WNT11: variants seen among roughly 807,000 people sequenced by gnomAD.
WNT11 encodes protein Wnt-11.
Under a neutral mutation model 35.6 loss-of-function variants are expected in WNT11, and 20 were observed. The observed-to-expected ratio is 0.56, with a 90% CI of 0.40 to 0.82. The LOEUF (loss-of-function observed/expected upper bound fraction) is 0.82, where lower values mean the gene tolerates loss of function less well. Ranked by LOEUF, WNT11 falls within the 40% of genes least tolerant of loss-of-function variation. The pLI, the probability that WNT11 is intolerant of heterozygous loss-of-function variation, is 0.00. For missense variants in WNT11, 459 were observed against 504.4 expected, an observed-to-expected ratio of 0.91 and a Z score of 0.86; for synonymous variants, 200 against 211.9, an observed-to-expected ratio of 0.94 and a Z score of 0.49.
At chr11:76,205,158 C>T (rs183268178) in intron 1 of WNT11, among the ~76,000 whole-genome samples, 1 of 152,184 alleles carries the variant, frequency 6.6e-6, no homozygotes, top group Non-Finnish European at 1.5e-5. Flanking sequence ...CTCCTCGAAT[C>T]GTCAATTAAT....
Position 76,194,631 on chromosome 11 carries a change from A to C in WNT11, c.533T>G (p.Val178Gly). The C allele has an allele frequency of 6.5e-7, 1 of 1,550,194 alleles. No individual in the cohort carries two copies. The highest frequency in any genetic ancestry group is 8.7e-7 in the Non-Finnish European group (1 of 1,146,858). ...ATTGGCTTGGGATCCTGTTTTTTTC[A>C]CCTTCATAGGAGCATCGGAAAACTT... ...GAKFSDAPMK[V>G]KKTGSQANKL... Residue 178 changes from valine to glycine, a missense_variant, in exon 3 of 5, where the codon GTG becomes GGG. Physicochemically the swap from Val to Gly is moderately radical, Grantham distance 109 (BLOSUM62 -3). Transcript: ENST00000322563. This position sits in a 1 kb window ranked among gnomAD's most constrained non-coding sequence, Gnocchi z 5.4.
At chr11:76,201,314 G>C (rs1953372200) in intron 1 of WNT11, among the ~76,000 whole-genome samples, 1 of 152,256 alleles carries the variant, frequency 6.6e-6, no homozygotes, top group Non-Finnish European at 1.5e-5. Flanking sequence ...CCCGCCCACA[G>C]GGGCTGCAGG....
intron 1 of WNT11, among the ~76,000 whole-genome samples, chr11:76,205,656 C>G (rs1372012754): frequency 6.6e-6 from 1 of 152,220 alleles, no homozygotes; most frequent in Non-Finnish European, 1.5e-5. Flanking sequence ...CCTCTCTTCA[C>G]CACCCCCAGC....
chr11:76,192,150 C>T lies in WNT11; in HGVS notation c.598-294G>A, dbSNP rs149903815. On this transcript the variant is annotated intron_variant, in intron 3 of 4. Coordinates refer to ENST00000322563, the MANE Select transcript of WNT11 (RefSeq NM_004626.3). ...ACATAATGGAGATTGATCACCACAA[C>T]GGCCCAAGGGAGGTATCCTTACTTC... Among the ~76,000 whole-genome samples, 450 of 152,264 alleles carry T rather than the reference C, an allele frequency of 3.0e-3. 2 individuals are homozygous for T. The highest frequency in any genetic ancestry group is 0.01 in the African/African-American group (431 of 41,544).
rs1459697623 is a variant in WNT11 at position 76,206,383 on chromosome 11, C to T, written c.25G>A (p.Glu9Lys). 6.5e-7 allele frequency: 1 copy of T among 1,548,188 alleles called. No homozygotes were observed. The highest frequency in any genetic ancestry group is 2.5e-5 in the East Asian group (1 of 40,338). ...AGCGCCAGGGCGAAGAGCAGCGCCTCGCAGACCTGCGGCCGCGCCCTCATC... is the reference window on the plus strand; with the variant it reads ...AGCGCCAGGGCGAAGAGCAGCGCCTTGCAGACCTGCGGCCGCGCCCTCATC... MRARPQVCEALLFALALQT... is the reference protein window; with the variant it reads MRARPQVCKALLFALALQT... The change falls in exon 1 of 5, where the codon GAG becomes AAG. Residue 9 changes from glutamate to lysine, a missense_variant. Coordinates refer to ENST00000322563, the MANE Select transcript of WNT11 (RefSeq NM_004626.3).
At chr11:76,193,867 G>C (rs182978408) in intron 3 of WNT11, among the ~76,000 whole-genome samples, 196 of 152,258 alleles carry the variant, frequency 1.3e-3, no homozygotes, top group African/African-American at 4.6e-3. Flanking sequence ...TGTAAAAAGG[G>C]GACAACAGGG....
chr11:76,200,478 C>T (rs770938459), intron 1 of WNT11, among the ~76,000 whole-genome samples: 3 of 152,254 alleles, frequency 2.0e-5, no homozygotes, highest in Non-Finnish European at 2.9e-5. Context: ...CCTGTCCCTG[C>T]GTGCAGTGCC....
Position 76,194,624 on chromosome 11 carries a change from T to A in WNT11, c.540A>T (p.Lys180Asn). The change falls in exon 3 of 5, where the codon AAA (lysine) becomes AAT (asparagine). Residue 180 changes from lysine to asparagine, a missense_variant. Transcript: ENST00000322563. The surrounding 1 kb of genome is among the most constrained non-coding windows in gnomAD (Gnocchi z 5.4). ...KFSDAPMKVK[K>N]TGSQANKLMR... ...TCAGTTTATTGGCTTGGGATCCTGT[T>A]TTTTTCACCTTCATAGGAGCATCGG... 6.4e-7 allele frequency: 1 copy of A among 1,550,580 alleles called. No individual in the cohort carries two copies. Among genetic ancestry groups the A allele is most frequent in the Non-Finnish European group, 8.7e-7 (1 of 1,146,952 alleles).
intron 4 of WNT11, chr11:76,190,960 A>G (rs981424284): frequency 1.3e-5 from 2 of 152,800 alleles, no homozygotes; most frequent in Non-Finnish European, 2.9e-5. Context: ...AGCCTGCTGC[A>G]GCAGCTGTGA....
chr11:76,205,706 C>G (rs991222377), intron 1 of WNT11, among the ~76,000 whole-genome samples: 1 of 152,218 alleles, frequency 6.6e-6, no homozygotes, highest in African/African-American at 2.4e-5. Flanking sequence ...CACCAAGCCT[C>G]TCTCTCCCTC....
chr11:76,191,834 A>G lies in WNT11; in HGVS notation c.620T>C (p.Met207Thr), dbSNP rs751350808. ...GRQALRASLE[M>T]KCKCHGVSGS... ...AGACACCCCATGGCACTTACACTTC[A>G]TTTCCAGAGAGGCGCGCAGAGCCTG... Residue 207 changes from methionine to threonine, a missense_variant, in exon 4 of 5, where the codon ATG (methionine) becomes ACG (threonine). Physicochemically the swap from Met to Thr is moderately conservative, Grantham distance 81. Coordinates refer to ENST00000322563, the MANE Select transcript of WNT11 (RefSeq NM_004626.3). 2 of 1,604,032 alleles carry G rather than the reference A, an allele frequency of 1.2e-6. No individual in the cohort carries two copies. Among genetic ancestry groups the G allele is most frequent in the South Asian group, 1.1e-5 (1 of 91,066 alleles).
At chr11:76,199,435 GCACTC>G (rs535069559) in intron 1 of WNT11, among the ~76,000 whole-genome samples, 199 of 151,756 alleles carry the variant, frequency 1.3e-3, no homozygotes, top group Middle Eastern at 3.4e-3. Context: ...TTACACTGCT[GCACTC>G]CAGTCTGGGT....
chr11:76,193,222 G>A (rs1311291144), intron 3 of WNT11, among the ~76,000 whole-genome samples: 1 of 152,252 alleles, frequency 6.6e-6, no homozygotes, highest in Non-Finnish European at 1.5e-5. Context: ...AAACACGTTT[G>A]TGATCTCATT....
chr11:76,190,050 A>G (rs1953159061), intron 4 of WNT11, among the ~76,000 whole-genome samples: 1 of 131,356 alleles, frequency 7.6e-6, no homozygotes, highest in African/African-American at 2.9e-5. Flanking sequence ...GCCTGAGGGC[A>G]CGGGGGAGGG....
chr11:76,203,846 C>G (rs1953426463), intron 1 of WNT11, among the ~76,000 whole-genome samples: 1 of 152,252 alleles, frequency 6.6e-6, no homozygotes, highest in Non-Finnish European at 1.5e-5. Flanking sequence ...TCCAGCCTCA[C>G]TGAACACTTC....
At chr11:76,187,698 G>T (rs1360755720) in intron 4 of WNT11, among the ~76,000 whole-genome samples, 6 of 152,012 alleles carry the variant, frequency 3.9e-5, no homozygotes, top group Non-Finnish European at 5.9e-5. Flanking sequence ...TGCTCAGGCT[G>T]GTCTTGAACT....
intron 1 of WNT11, among the ~76,000 whole-genome samples, chr11:76,200,841 G>T (rs781408326): frequency 1.3e-5 from 2 of 152,238 alleles, no homozygotes; most frequent in South Asian, 2.1e-4. Context: ...GCACATCAGC[G>T]CATGGCCTAG....
At chr11:76,197,483 A>T (rs1460590893) in intron 1 of WNT11, among the ~76,000 whole-genome samples, 2 of 152,218 alleles carry the variant, frequency 1.3e-5, no homozygotes, top group African/African-American at 4.8e-5. Context: ...GACAAAAGGG[A>T]TCCATGTGGG....
upstream of WNT11, among the ~76,000 whole-genome samples, chr11:76,209,623 C>G (rs1459481146): frequency 1.4e-5 from 2 of 145,266 alleles, no homozygotes; most frequent in Admixed American, 6.8e-5. Context: ...TGACCCCAGC[C>G]GTGAGGCTTT....
Sources: allele counts gnomAD v4.1 joint callset (sites outside exome capture counted in the v4.1 genomes callset), GRCh38; gene constraint gnomAD v4.1.1; non-coding constraint Gnocchi (gnomAD v3.1); transcripts MANE v1.5; gene names NCBI Gene and HGNC (gene_info 2026-07-23, HGNC 2026-07-21).